ITGA2: variants seen among roughly 807,000 people sequenced by gnomAD.
ITGA2 encodes the protein integrin alpha-2.
In ITGA2, 101 loss-of-function variants were observed where a neutral mutation model predicts 146.3. The observed-to-expected ratio is 0.69, with a 90% CI of 0.59 to 0.81. The LOEUF (loss-of-function observed/expected upper bound fraction) is 0.81. Ranked by LOEUF, ITGA2 falls within the 40% of genes least tolerant of loss-of-function variation. The pLI is 0.00. For synonymous variants in ITGA2, 477 were observed against 487.1 expected, an observed-to-expected ratio of 0.98 and a Z score of 0.27; for missense variants, 1,281 against 1,402.7, an observed-to-expected ratio of 0.91 and a Z score of 1.39.
At position 52,991,718 on chromosome 5, in the gene ITGA2, C is replaced by T. The variant is rs925437601; in HGVS notation, c.64+2186C>T. Among the ~76,000 whole-genome samples the T allele has an allele frequency of 6.6e-5, 10 of 152,190 alleles. No individual in the cohort carries two copies. In the East Asian group the frequency reaches 1.9e-3, roughly 29 times the overall value. On this transcript the variant is annotated intron_variant, in intron 1 of 29. Coordinates refer to ENST00000296585, the MANE Select transcript of ITGA2 (RefSeq NM_002203.4). ...ATCACCTTCAAATCTTATTTTAACA[C>T]TTACATTCAAATTTGCTTTCCAGAA...
chr5:53,039,057 C>T (rs1247314314), intron 2 of ITGA2, among the ~76,000 whole-genome samples: 1 of 152,188 alleles, frequency 6.6e-6, no homozygotes, highest in South Asian at 2.1e-4. Flanking sequence ...CATGCCACTG[C>T]ACTCCAGCCT....
At chr5:53,042,322 C>A in intron 3 of ITGA2, 101 bp downstream of exon 3, 4 of 824,816 alleles carry the variant, frequency 4.8e-6, no homozygotes, top group South Asian at 1.4e-5. Context: ...ATACAGACAG[C>A]TTTTTTTTGC....
At chr5:53,028,295 G>C (rs577144415) in intron 2 of ITGA2, among the ~76,000 whole-genome samples, 14 of 152,250 alleles carry the variant, frequency 9.2e-5, no homozygotes, top group African/African-American at 3.4e-4. Flanking sequence ...TCGTGAGCTG[G>C]GTTTTAAGTA....
intron 2 of ITGA2, among the ~76,000 whole-genome samples, chr5:53,031,513 C>T (rs1039132264): frequency 2.0e-5 from 3 of 152,156 alleles, no homozygotes; most frequent in African/African-American, 7.2e-5. Context: ...ACAATTTTAG[C>T]TCTGTCATGT....
rs1441796332 is a variant in ITGA2, at chr5:53,055,568, G to T, written c.810G>T (p.Gly270=). 6.2e-7 allele frequency: 1 copy of T among 1,613,042 alleles called. No individual in the cohort carries two copies. Among genetic ancestry groups the T allele is most frequent in the Non-Finnish European group, 8.5e-7 (1 of 1,179,318 alleles). ...RKYAYSAASG[G]RRSATKVMVV... Reference sequence around the variant, plus strand: ...ATGCTTATTCAGCAGCTTCTGGTGGGCGACGAAGTGCTACGAAAGTAATGG... The same window carrying T: ...ATGCTTATTCAGCAGCTTCTGGTGGTCGACGAAGTGCTACGAAAGTAATGG... Residue 270 remains glycine, a synonymous_variant, in exon 8 of 30, where the codon GGG becomes GGT. Transcript: ENST00000296585.
rs1439198830 is a variant in ITGA2 at position 53,072,550 on chromosome 5, T to C, written c.2347-63T>C. ...GTAAATAGAATAATATTCTATGTATTCTTCTGTAATTTGCTTTTTCAACCC... is the reference window on the plus strand; with the variant it reads ...GTAAATAGAATAATATTCTATGTATCCTTCTGTAATTTGCTTTTTCAACCC... On this transcript the variant is annotated intron_variant, in intron 18 of 29. Coordinates refer to ENST00000296585, the MANE Select transcript of ITGA2 (RefSeq NM_002203.4). 10 of 1,011,028 alleles carry C rather than the reference T, an allele frequency of 9.9e-6. No individual in the cohort carries two copies. The African/African-American group carries it at 1.3e-4, about 13-fold the overall frequency. 62.6% of individuals were successfully genotyped at this position (1,011,028 alleles called of 1,614,324 possible).
At chr5:52,994,139 A>G (rs936768337) in intron 1 of ITGA2, among the ~76,000 whole-genome samples, 1 of 152,194 alleles carries the variant, frequency 6.6e-6, no homozygotes, top group Non-Finnish European at 1.5e-5. Flanking sequence ...TAAAACTAAT[A>G]CTTGATAATA....
At chr5:53,052,184 A>G (rs959834575) in intron 7 of ITGA2, among the ~76,000 whole-genome samples, 6 of 152,016 alleles carry the variant, frequency 3.9e-5, no homozygotes, top group Non-Finnish European at 4.4e-5. Flanking sequence ...GATTTGCTGC[A>G]CCCATCAACC....
At chr5:53,032,775 C>A (rs1743284053) in intron 2 of ITGA2, among the ~76,000 whole-genome samples, 2 of 152,150 alleles carry the variant, frequency 1.3e-5, no homozygotes, top group Non-Finnish European at 2.9e-5. Context: ...ATGATAGTTA[C>A]CATCCATCTT....
chr5:52,995,967 G>C (rs531732649), intron 1 of ITGA2, among the ~76,000 whole-genome samples: 7 of 152,162 alleles, frequency 4.6e-5, no homozygotes, highest in African/African-American at 1.7e-4. Context: ...AGAAGGAAGA[G>C]GTAGTGAATA....
chr5:53,080,360 C>A, intron 24 of ITGA2, 151 bp from the exon 25 acceptor site: 1 of 713,718 alleles, frequency 1.4e-6, no homozygotes, highest in Non-Finnish European at 2.5e-6. Flanking sequence ...ACACAGAGAC[C>A]TGAAGTGTGA....
intron 1 of ITGA2, among the ~76,000 whole-genome samples, chr5:53,010,019 A>G (rs1230607676): frequency 1.3e-5 from 2 of 152,170 alleles, no homozygotes; most frequent in Non-Finnish European, 2.9e-5. Flanking sequence ...TTAGAAAAGC[A>G]TCCTCTGAAA....
At chr5:53,038,783 A>G (rs932876282) in intron 2 of ITGA2, among the ~76,000 whole-genome samples, 9 of 152,198 alleles carry the variant, frequency 5.9e-5, no homozygotes, top group Non-Finnish European at 1.2e-4. Context: ...AATGAAGTGT[A>G]AAATGGGGAT....
rs540625371 is a variant in ITGA2, at chr5:53,094,470, T to G, written c.*3871T>G. The G allele has an allele frequency of 1.8e-4, 27 of 152,182 alleles. No homozygotes were observed. Among genetic ancestry groups the G allele is most frequent in the Admixed American group, 2.6e-4 (4 of 15,272 alleles). The allele number at this position is 152,182 out of a possible 1,614,324, so 9.4% of individuals were successfully genotyped here. On this transcript the variant is annotated 3_prime_UTR_variant, in exon 30 of 30. Coordinates refer to ENST00000296585, the MANE Select transcript of ITGA2 (RefSeq NM_002203.4). ...TATTTTAAAGAAATTGTCTTGGATA[T>G]TTTCCTTTATACATAATAGATAAGT...
Position 53,013,789 on chromosome 5 carries a change from G to A in ITGA2, c.65-12959G>A, listed in dbSNP as rs1370583583. On this transcript the variant is annotated intron_variant, in intron 1 of 29. Coordinates refer to ENST00000296585, the MANE Select transcript of ITGA2 (RefSeq NM_002203.4). ...ATCATCTAGGATTTATTTCAGAAGTGTTTTATCAGTCTCTGTAGAGATCTT... is the reference window on the plus strand; with the variant it reads ...ATCATCTAGGATTTATTTCAGAAGTATTTTATCAGTCTCTGTAGAGATCTT... 2.6e-5 allele frequency among the ~76,000 whole-genome samples: 4 copies of A among 152,064 alleles called. No homozygotes were observed. The East Asian group carries it at 7.7e-4, about 29-fold the overall frequency.
intron 8 of ITGA2, 31 bp from the exon 9 acceptor site, chr5:53,055,953 T>C (rs780915897): frequency 6.3e-7 from 1 of 1,593,486 alleles, no homozygotes; most frequent in Non-Finnish European, 8.6e-7. Context: ...ACAGCAGTAA[T>C]GACTGCACAT....
chr5:53,018,794 G>C (rs1263288138), intron 1 of ITGA2, among the ~76,000 whole-genome samples: 2 of 152,188 alleles, frequency 1.3e-5, no homozygotes, highest in Non-Finnish European at 2.9e-5. Flanking sequence ...TGGGCACGGT[G>C]GCTCACGCCT....
At position 52,989,520 on chromosome 5, in the gene ITGA2, G is replaced by A; in HGVS notation, c.52G>A (p.Ala18Thr). The A allele has an allele frequency of 6.2e-7, 1 of 1,614,130 alleles. No homozygotes were observed. Among genetic ancestry groups the A allele is most frequent in the Non-Finnish European group, 8.5e-7 (1 of 1,179,998 alleles). The part of the protein sequence containing the change: ...AAPLPLLLVL[A>T]LSQGILNCCL... ...GCCGCTGCCGCTGCTGCTGGTGTTAGCGCTCAGTCAAGGTAAGCGGGGATT... is the reference window on the plus strand; with the variant it reads ...GCCGCTGCCGCTGCTGCTGGTGTTAACGCTCAGTCAAGGTAAGCGGGGATT... Residue 18 changes from alanine (A) to threonine (T), a missense_variant, in exon 1 of 30, where the codon GCG (alanine) becomes ACG (threonine). Physicochemically the swap from Ala to Thr is moderately conservative, Grantham distance 58 (BLOSUM62 0). Around this residue, in one of 3 missense-constraint regions of ITGA2, gnomAD observed 795 missense variants for 841.7 expected, o/e 0.94. Transcript: ENST00000296585.
chr5:53,030,988 C>T (rs540968029), intron 2 of ITGA2, among the ~76,000 whole-genome samples: 1 of 152,332 alleles, frequency 6.6e-6, no homozygotes, highest in African/African-American at 2.4e-5. Flanking sequence ...AATGGGTTAT[C>T]CCATTACAGT....
Sources: gnomAD v4.1 joint callset for allele counts (sites outside exome capture counted in the v4.1 genomes callset) on GRCh38, gnomAD v4.1.1 for gene constraint, gnomAD v4.1.1 regional missense constraint, MANE v1.5 for transcripts, NCBI Gene and HGNC (gene_info 2026-07-23, HGNC 2026-07-21) for gene names.